CMYA5: variants seen among roughly 807,000 people sequenced by gnomAD.
CMYA5 encodes cardiomyopathy-associated protein 5.
Under a neutral mutation model 318.9 loss-of-function variants are expected in CMYA5, and 246 were observed. The observed-to-expected ratio is 0.77, with a 90% CI of 0.70 to 0.86. The LOEUF is 0.86. Ranked by LOEUF, CMYA5 falls within the 40% of genes least tolerant of loss-of-function variation. CMYA5 has a pLI of 0.00. For missense variants in CMYA5, 4,589 were observed against 4,678.2 expected (o/e 0.98, Z 0.56); for synonymous variants, 1,641 against 1,729.5 (o/e 0.95, Z 1.27).
At position 79,729,862 on chromosome 5, in the gene CMYA5, AG is replaced by A. The variant is rs1561205684; in HGVS notation, c.1098del (p.Gln366HisfsTer16). Reference sequence around the variant, plus strand: ...AGGCATTCACAGTCAGTGCCACAACAGCCAGAAGATGAAGCAAAACCACATG... The same window carrying A: ...AGGCATTCACAGTCAGTGCCACAACACCAGAAGATGAAGCAAAACCACATG... ...QLRHSQSVPQ[Q>X]PEDEAKPHEV... is the part of the protein sequence containing the mutation. On this transcript the variant is annotated frameshift_variant, in exon 2 of 13. Coordinates refer to ENST00000446378, the MANE Select transcript of CMYA5 (RefSeq NM_153610.5). LOFTEE classifies it high-confidence loss of function. 6.2e-7 allele frequency: 1 copy of A among 1,612,678 alleles called. No individual in the cohort carries two copies. Among genetic ancestry groups the A allele is most frequent in the Non-Finnish European group, 8.5e-7 (1 of 1,179,204 alleles).
intron 1 of CMYA5, among the ~76,000 whole-genome samples, chr5:79,699,410 A>G (rs544044701): frequency 2.6e-5 from 4 of 152,306 alleles, no homozygotes; most frequent in Admixed American, 2.6e-4. Context: ...GCAAGTCCAT[A>G]GGGAGAGATG....
In CMYA5 at chr5:79,738,829, C is replaced by T. The variant is rs367581655; in HGVS notation, c.10064C>T (p.Ala3355Val). Residue 3355 changes from alanine (A) to valine (V), a missense_variant, in exon 2 of 13, where the codon GCA becomes GTA. This residue lies in a region of CMYA5 where 2,431 missense variants were observed against 2,495.1 expected (regional missense o/e 0.97). Transcript: ENST00000446378. ...CATGTTCTGGAGCGTGCAGATGAAG[C>T]AGGCAGTCACGGTAATGAAGTCGGA... ...THHVLERADE[A>V]GSHGNEVGNA... 3.6e-5 allele frequency: 58 copies of T among 1,613,740 alleles called. No individual in the cohort carries two copies. The highest frequency in any genetic ancestry group is 4.6e-5 in the Non-Finnish European group (54 of 1,179,856).
rs761166651 is a variant in CMYA5, at chr5:79,734,304, C to G, written c.5539C>G (p.Gln1847Glu). 6.2e-7 allele frequency: 1 copy of G among 1,613,526 alleles called. No homozygotes were observed. The highest frequency in any genetic ancestry group is 8.5e-7 in the Non-Finnish European group (1 of 1,179,750). ...PDVSTSSEDK[Q>E]DLGIKQFSLM... Reference sequence around the variant, plus strand: ...TGTAAGCACCTCTTCTGAAGATAAACAAGATCTGGGTATTAAGCAGTTTTC... The same window carrying G: ...TGTAAGCACCTCTTCTGAAGATAAAGAAGATCTGGGTATTAAGCAGTTTTC... Residue 1847 changes from glutamine to glutamate, a missense_variant, in exon 2 of 13, where the codon CAA (glutamine) becomes GAA (glutamate). Gln to Glu is a conservative substitution (Grantham distance 29, BLOSUM62 2). Transcript: ENST00000446378.
In CMYA5 at chr5:79,799,410, G is replaced by A; in HGVS notation, c.12004G>A (p.Val4002Met). ...FYSGIVSDVHVTERPARVGIL... is the reference protein window; with the variant it reads ...FYSGIVSDVHMTERPARVGIL... ...CAGTGGTATTGTGAGTGATGTTCATGTGACTGAGCGTCCAGCCAGAGTGGG... is the reference window on the plus strand; with the variant it reads ...CAGTGGTATTGTGAGTGATGTTCATATGACTGAGCGTCCAGCCAGAGTGGG... The change falls in exon 13 of 13, where the codon GTG becomes ATG. Residue 4002 changes from valine to methionine, a missense_variant. This residue lies in a region of CMYA5 where 2,431 missense variants were observed against 2,495.1 expected (regional missense o/e 0.97). Transcript: ENST00000446378. 6.2e-7 allele frequency: 1 copy of A among 1,613,654 alleles called. No homozygotes were observed. The highest frequency in any genetic ancestry group is 8.5e-7 in the Non-Finnish European group (1 of 1,179,598).
chr5:79,734,750 C>T lies in CMYA5; in HGVS notation c.5985C>T (p.Val1995=), dbSNP rs1022868187. ...VKLAEEPKSL[V]LAGNVERNIA... is the part of the protein sequence containing the mutation. ...TGGCTGAAGAACCAAAGTCTTTAGT[C>T]CTAGCTGGAAATGTAGAGAGAAACA... The change falls in exon 2 of 13, where the codon GTC becomes GTT. Residue 1995 remains valine, a synonymous_variant. Coordinates refer to ENST00000446378, the MANE Select transcript of CMYA5 (RefSeq NM_153610.5). 3 of 1,613,746 alleles carry T rather than the reference C, an allele frequency of 1.9e-6. No individual in the cohort carries two copies. Among genetic ancestry groups the T allele is most frequent in the African/African-American group, 1.3e-5 (1 of 75,022 alleles).
intron 2 of CMYA5, among the ~76,000 whole-genome samples, chr5:79,742,071 CT>C (rs1461499072): frequency 4.5e-4 from 20 of 44,770 alleles, no homozygotes; most frequent in African/African-American, 4.1e-3. Flanking sequence ...TCTTCTTCTT[CT>C]TCTTCTTCTT....
chr5:79,794,510 A>G (rs1829240612), intron 12 of CMYA5, among the ~76,000 whole-genome samples: 2 of 152,180 alleles, frequency 1.3e-5, no homozygotes, highest in Non-Finnish European at 2.9e-5. Flanking sequence ...TCCATCCTCA[A>G]TTAGCCTCCT....
At chr5:79,693,347 T>A (rs984858497) in intron 1 of CMYA5, among the ~76,000 whole-genome samples, 2 of 151,654 alleles carry the variant, frequency 1.3e-5, no homozygotes, top group African/African-American at 4.8e-5. Flanking sequence ...TTTTTTTTTT[T>A]TTTTTTTCTT....
intron 1 of CMYA5, among the ~76,000 whole-genome samples, chr5:79,696,583 A>G (rs1210881738): frequency 6.6e-6 from 1 of 152,258 alleles, no homozygotes; most frequent in Non-Finnish European, 1.5e-5. Flanking sequence ...CCATAAATAT[A>G]TACAATTTTG....
intron 1 of CMYA5, among the ~76,000 whole-genome samples, chr5:79,721,443 A>G (rs1382598620): frequency 6.6e-6 from 1 of 152,244 alleles, no homozygotes; most frequent in Admixed American, 6.5e-5. Flanking sequence ...ATTGGCAATT[A>G]TATTACATTT....
At chr5:79,784,806 C>T (rs1451494786) in intron 9 of CMYA5, among the ~76,000 whole-genome samples, 13 of 149,664 alleles carry the variant, frequency 8.7e-5, no homozygotes, top group East Asian at 2.0e-4. Flanking sequence ...CACTGGCCTG[C>T]GCCCACTGTC....
chr5:79,743,808 T>C lies in CMYA5; in HGVS notation c.10639-19T>C, dbSNP rs1350533355. 1 of 1,328,632 alleles carries C rather than the reference T, an allele frequency of 7.5e-7. No homozygotes were observed. Among genetic ancestry groups the C allele is most frequent in the East Asian group, 2.5e-5 (1 of 39,814 alleles). 82.3% of individuals were successfully genotyped at this position (1,328,632 alleles called of 1,614,324 possible). On this transcript the variant is annotated intron_variant, in intron 2 of 12. Transcript: ENST00000446378. ...TCCTAAATGTCATATACTAAGGATA[T>C]CTTAATTCTTTTCTTCAGGTTCAAT...
chr5:79,701,693 A>G (rs945291555), intron 1 of CMYA5, among the ~76,000 whole-genome samples: 1 of 152,140 alleles, frequency 6.6e-6, no homozygotes, highest in African/African-American at 2.4e-5. Context: ...TTACCATATG[A>G]CTCTGCAGTT....
At chr5:79,741,833 G>T (rs1828213535) in intron 2 of CMYA5, among the ~76,000 whole-genome samples, 1 of 152,024 alleles carries the variant, frequency 6.6e-6, no homozygotes, top group South Asian at 2.1e-4. Context: ...GAGATATGAT[G>T]TCTCCTGCCT....
intron 9 of CMYA5, among the ~76,000 whole-genome samples, chr5:79,769,856 A>G (rs1828821970): frequency 6.6e-6 from 1 of 152,216 alleles, no homozygotes; most frequent in Admixed American, 6.5e-5. Flanking sequence ...TGCTCTCTTC[A>G]GAGCTGGCAG....
intron 12 of CMYA5, among the ~76,000 whole-genome samples, chr5:79,795,861 G>C (rs534097692): frequency 7.9e-5 from 12 of 152,210 alleles, no homozygotes; most frequent in Non-Finnish European, 1.6e-4. Context: ...CAAGTGTTTA[G>C]AGCCAGGCTT....
chr5:79,716,817 C>T (rs1013129595), intron 1 of CMYA5, among the ~76,000 whole-genome samples: 4 of 152,082 alleles, frequency 2.6e-5, no homozygotes, highest in Middle Eastern at 3.2e-3. Flanking sequence ...TAGCAACATC[C>T]GTATACATCC....
intron 6 of CMYA5, among the ~76,000 whole-genome samples, chr5:79,756,482 C>T (rs1180810296): frequency 2.0e-5 from 3 of 152,154 alleles, no homozygotes; most frequent in African/African-American, 7.2e-5. Flanking sequence ...TATAATGACA[C>T]TGGGAGGTAA....
rs1369504978 is a variant in CMYA5 at position 79,738,245 on chromosome 5, A to G, written c.9480A>G (p.Ala3160=). 2 of 1,613,752 alleles carry G rather than the reference A, an allele frequency of 1.2e-6. No individual in the cohort carries two copies. Among genetic ancestry groups the G allele is most frequent in the Non-Finnish European group, 1.7e-6 (2 of 1,179,826 alleles). The change falls in exon 2 of 13, where the codon GCA becomes GCG. Residue 3160 remains alanine, a synonymous_variant. Coordinates refer to ENST00000446378, the MANE Select transcript of CMYA5 (RefSeq NM_153610.5). ...CACCGGGGATGCCTTTATTTGAAGC[A>G]GAGGAAGGAGTTCTATCACGAACCC... is the stretch of plus-strand genomic sequence containing the variant. The part of the protein sequence containing the change: ...SKSPGMPLFE[A]EEGVLSRTQI...
Sources: gnomAD v4.1 joint callset for allele counts (sites outside exome capture counted in the v4.1 genomes callset) on GRCh38, gnomAD v4.1.1 for gene constraint, gnomAD v4.1.1 regional missense constraint, MANE v1.5 for transcripts, NCBI Gene and HGNC (gene_info 2026-07-23, HGNC 2026-07-21) for gene names.